The following MFNG variants were observed in gnomAD, a reference collection of about 807,000 sequenced individuals.
MFNG encodes MFNG O-fucosylpeptide 3-beta-N-acetylglucosaminyltransferase.
A neutral mutation model predicts 34.2 loss-of-function variants in MFNG; 24 were observed. That is an observed-to-expected ratio of 0.70 (90% CI 0.51 to 0.99). The LOEUF (loss-of-function observed/expected upper bound fraction) is 0.99, where lower values mean the gene tolerates loss of function less well. MFNG is among the 50% of genes least tolerant of loss of function. MFNG has a pLI of 0.00. For synonymous variants in MFNG, 158 were observed against 179.2 expected (o/e 0.88, Z 0.94); for missense variants, 383 against 424.0 (o/e 0.90, Z 0.85).
At chr22:37,474,718 T>C in intron 5 of MFNG, 41 bp from the exon 6 acceptor site, 2 of 1,542,880 alleles carry the variant, frequency 1.3e-6, no homozygotes, top group Non-Finnish European at 1.7e-6. Flanking sequence ...GCCCAGGCCC[T>C]CCACACCCAG....
Sources: gnomAD v4.1 joint callset for allele counts on GRCh38, gnomAD v4.1.1 for gene constraint, MANE v1.5 for transcripts, NCBI Gene and HGNC (gene_info 2026-07-23, HGNC 2026-07-21) for gene names.